The following HERC2 variants were observed in gnomAD, a reference collection of about 807,000 sequenced individuals.
The protein encoded by HERC2 is E3 ubiquitin-protein ligase HERC2.
Under a neutral mutation model 537.7 loss-of-function variants are expected in HERC2, and 102 were observed. The ratio of observed to expected loss-of-function variants is 0.19; its 90% CI spans 0.16 to 0.22. The LOEUF (loss-of-function observed/expected upper bound fraction) is 0.22. HERC2 is among the 10% of genes least tolerant of loss of function. The pLI, the probability that HERC2 is intolerant of heterozygous loss-of-function variation, is 1.00. For missense variants in HERC2, 4,236 were observed against 6,198.2 expected (o/e 0.68, Z 10.63); for synonymous variants, 2,224 against 2,466.2 (o/e 0.90, Z 2.91).
intron 88 of HERC2, among the ~76,000 whole-genome samples, chr15:28,115,847 T>A (rs1294256947): frequency 2.6e-5 from 4 of 152,218 alleles, no homozygotes; most frequent in Non-Finnish European, 5.9e-5. Flanking sequence ...GGGAGTGTCC[T>A]CCAGGGAGCT....
At position 28,177,185 on chromosome 15, in the gene HERC2, G is replaced by C; in HGVS notation, c.9255-58C>G. On this transcript the variant is annotated intron_variant, in intron 60 of 92. Transcript: ENST00000261609. This position sits in a 1 kb window ranked among gnomAD's most constrained non-coding sequence, Gnocchi z 5.0. Reference sequence around the variant, plus strand: ...AATCTGTCCCTTCTTAGAGATGAAGGAAAAAAGACATCTATACTGATCCAC... The same window carrying C: ...AATCTGTCCCTTCTTAGAGATGAAGCAAAAAAGACATCTATACTGATCCAC... 6.6e-7 allele frequency: 1 copy of C among 1,516,276 alleles called. No homozygotes were observed. The highest frequency in any genetic ancestry group is 2.0e-5 in the Admixed American group (1 of 50,612). The allele number at this position is 1,516,276 out of a possible 1,614,324, so 93.9% of individuals were successfully genotyped here.
chr15:28,165,548 T>C (rs1894042068), intron 68 of HERC2, among the ~76,000 whole-genome samples: 1 of 151,890 alleles, frequency 6.6e-6, no homozygotes, highest in Non-Finnish European at 1.5e-5. Flanking sequence ...TCCCAGCACT[T>C]TGAGAGGATG....
rs1891363200 is a variant in HERC2 at position 28,142,848 on chromosome 15, C to A, written c.11523G>T (p.Leu3841=). 2 of 1,576,952 alleles carry A rather than the reference C, an allele frequency of 1.3e-6. No individual in the cohort carries two copies. The highest frequency in any genetic ancestry group is 8.7e-7 in the Non-Finnish European group (1 of 1,151,576). The change falls in exon 75 of 93, where the codon CTG becomes CTT. Residue 3841 remains leucine (L), a synonymous_variant. Coordinates refer to ENST00000261609, the MANE Select transcript of HERC2 (RefSeq NM_004667.6). ...TTACCTTAAAGAATGGGCTGTGGAGCAGCTGTTTGCCACCCCTCACAATAG... is the reference window on the plus strand; with the variant it reads ...TTACCTTAAAGAATGGGCTGTGGAGAAGCTGTTTGCCACCCCTCACAATAG... ...EDPIVRGGKQ[L]LHSPFFKVLV...
At chr15:28,291,909 GAAAAAAAAAAAAA>G (rs67813649) in intron 4 of HERC2, among the ~76,000 whole-genome samples, 44 of 37,964 alleles carry the variant, frequency 1.2e-3, no homozygotes, top group African/African-American at 2.1e-3. Context: ...CGTCTCAAAG[GAAAAAAAAAAAAA>G]AAAAAAAAAA....
chr15:28,179,528 C>T (rs542382674), intron 57 of HERC2, among the ~76,000 whole-genome samples: 2 of 152,382 alleles, frequency 1.3e-5, no homozygotes, highest in African/African-American at 2.4e-5. Context: ...ATCCCTAATA[C>T]CTCACCATGA....
chr15:28,195,700 T>A (rs1596190754), intron 52 of HERC2, among the ~76,000 whole-genome samples: 1 of 152,020 alleles, frequency 6.6e-6, no homozygotes, highest in East Asian at 1.9e-4. Context: ...GTTAAATTGC[T>A]TAATGGGTAC....
intron 42 of HERC2, 55 bp downstream of exon 42, chr15:28,213,687 C>A (rs1382932612): frequency 6.2e-7 from 1 of 1,611,932 alleles, no homozygotes; most frequent in Non-Finnish European, 8.5e-7. Flanking sequence ...GTGCTCGGTT[C>A]TAGTGTAAAG....
At chr15:28,117,192 C>T (rs201872418) in intron 86 of HERC2, 38 bp from the exon 87 acceptor site, 18 of 1,607,572 alleles carry the variant, frequency 1.1e-5, no homozygotes, top group African/African-American at 4.0e-5. Flanking sequence ...AGGCCGCTGC[C>T]GCAGCAGGAA....
At chr15:28,244,842 T>C (rs1903501703) in intron 23 of HERC2, among the ~76,000 whole-genome samples, 2 of 152,130 alleles carry the variant, frequency 1.3e-5, no homozygotes, top group South Asian at 4.2e-4. Flanking sequence ...GGGATGATGG[T>C]CTAAAACACG....
At chr15:28,112,111 C>T (rs915188283) in intron 92 of HERC2, 76 bp from the exon 93 acceptor site, 21 of 1,411,288 alleles carry the variant, frequency 1.5e-5, no homozygotes, top group African/African-American at 1.3e-4. Flanking sequence ...TTAGACTCTT[C>T]GTGCTCACAA....
At chr15:28,162,833 G>C (rs529802652) in intron 69 of HERC2, among the ~76,000 whole-genome samples, 1 of 152,362 alleles carries the variant, frequency 6.6e-6, no homozygotes, top group African/African-American at 2.4e-5. Flanking sequence ...AGAGCTTGCA[G>C]TGAGTCGAGA....
At chr15:28,275,918 T>A (rs998801193) in intron 5 of HERC2, among the ~76,000 whole-genome samples, 1 of 152,186 alleles carries the variant, frequency 6.6e-6, no homozygotes, top group African/African-American at 2.4e-5. Flanking sequence ...AACTATATTC[T>A]CCAAATTTAC....
At chr15:28,214,568 G>A (rs1159257964) in intron 40 of HERC2, 87 bp downstream of exon 40, 1 of 1,477,656 alleles carries the variant, frequency 6.8e-7, no homozygotes, top group African/African-American at 1.5e-5. Flanking sequence ...CTTCACCAGG[G>A]CACAGGGAAG....
rs1894385569 is a variant in HERC2 at position 28,168,575 on chromosome 15, C to T, written c.10245G>A (p.Gly3415=). The change falls in exon 67 of 93, where the codon GGG becomes GGA. Residue 3415 remains glycine (G), a synonymous_variant. Coordinates refer to ENST00000261609, the MANE Select transcript of HERC2 (RefSeq NM_004667.6). The part of the protein sequence containing the change: ...QIMYARDAVV[G]ALMPAAMIAP... Reference sequence around the variant, plus strand: ...CGATCATGGCGGCCGGCATCAGGGCCCCGACAACAGCATCTCTGTCAGGAC... The same window carrying T: ...CGATCATGGCGGCCGGCATCAGGGCTCCGACAACAGCATCTCTGTCAGGAC... 6.2e-7 allele frequency: 1 copy of T among 1,613,782 alleles called. No homozygotes were observed. The highest frequency in any genetic ancestry group is 1.7e-5 in the Admixed American group (1 of 59,970).
rs556263663 is a variant in HERC2, at chr15:28,268,376, C to T, written c.1598+89G>A. ...GCTACATGTCAGGGCAATTGGAAAA[C>T]ACCTGGACACACTTCTGCGCTCCAT... On this transcript the variant is annotated intron_variant, in intron 12 of 92. Transcript: ENST00000261609. This position sits in a 1 kb window ranked among gnomAD's most constrained non-coding sequence, Gnocchi z 4.7. The T allele has an allele frequency of 3.9e-6, 5 of 1,281,436 alleles. No individual in the cohort carries two copies. In the African/African-American group the frequency reaches 4.4e-5, roughly 11 times the overall value. The allele number at this position is 1,281,436 out of a possible 1,614,324, so 79.4% of individuals were successfully genotyped here.
chr15:28,200,937 A>AT (rs1897844759), intron 48 of HERC2, among the ~76,000 whole-genome samples: 1 of 142,320 alleles, frequency 7.0e-6, no homozygotes, highest in South Asian at 2.5e-4. Flanking sequence ...ACATAATTAG[A>AT]TTTTTAAAGT....
In HERC2 at chr15:28,265,878, G is replaced by A. The variant is rs1027916539; in HGVS notation, c.1695C>T (p.Ala565=). Reference sequence around the variant, plus strand: ...TGTACAGCTCCCCCTCGGCAGTGATGGCCGCACTGTAAGTGCTCCCGCAAG... The same window carrying A: ...TGTACAGCTCCCCCTCGGCAGTGATAGCCGCACTGTAAGTGCTCCCGCAAG... ...HIACGSTYSA[A]ITAEGELYTW... is the part of the protein sequence containing the mutation. Residue 565 remains alanine (A), a synonymous_variant, in exon 13 of 93, where the codon GCC becomes GCT. Coordinates refer to ENST00000261609, the MANE Select transcript of HERC2 (RefSeq NM_004667.6). This position sits in a 1 kb window ranked among gnomAD's most constrained non-coding sequence, Gnocchi z 4.0. 12 of 1,614,048 alleles carry A rather than the reference G, an allele frequency of 7.4e-6. No individual in the cohort carries two copies. Among genetic ancestry groups the A allele is most frequent in the Non-Finnish European group, 1.0e-5 (12 of 1,180,050 alleles).
chr15:28,177,185 G>A lies in HERC2; in HGVS notation c.9255-58C>T. 2.2e-5 allele frequency: 33 copies of A among 1,516,206 alleles called. No individual in the cohort carries two copies. In the Admixed American group the frequency reaches 3.2e-4, roughly 15 times the overall value. 93.9% of individuals were successfully genotyped at this position (1,516,206 alleles called of 1,614,324 possible). ...AATCTGTCCCTTCTTAGAGATGAAG[G>A]AAAAAAGACATCTATACTGATCCAC... On this transcript the variant is annotated intron_variant, in intron 60 of 92. Transcript: ENST00000261609. This position sits in a 1 kb window ranked among gnomAD's most constrained non-coding sequence, Gnocchi z 5.0.
At position 28,220,533 on chromosome 15, in the gene HERC2, C is replaced by G; in HGVS notation, c.5764G>C (p.Gly1922Arg). 1 of 1,601,366 alleles carries G rather than the reference C, an allele frequency of 6.2e-7. No homozygotes were observed. The highest frequency in any genetic ancestry group is 8.5e-7 in the Non-Finnish European group (1 of 1,179,790). The part of the protein sequence containing the change: ...STNSYRMGKE[G>R]KYDLKLAELP... ...TCTGCCAGCTTGAGGTCGTATTTTC[C>G]TTCTTTCCCCATCCTGTAGGAGTTG... Residue 1922 changes from glycine (G) to arginine (R), a missense_variant, in exon 37 of 93, where the codon GGA becomes CGA. This residue lies in a region of HERC2 where 365 missense variants were observed against 468.8 expected (regional missense o/e 0.78). Coordinates refer to ENST00000261609, the MANE Select transcript of HERC2 (RefSeq NM_004667.6).
Sources: gnomAD v4.1 joint callset for allele counts (sites outside exome capture counted in the v4.1 genomes callset) on GRCh38, gnomAD v4.1.1 for gene constraint, gnomAD v4.1.1 regional missense constraint, Gnocchi (gnomAD v3.1) non-coding constraint, MANE v1.5 for transcripts, NCBI Gene and HGNC (gene_info 2026-07-23, HGNC 2026-07-21) for gene names.